Variants in CDH23 observed in about 807,000 individuals in gnomAD.
CDH23 encodes the protein cadherin-23.
Under a neutral mutation model 317.1 loss-of-function variants are expected in CDH23, and 189 were observed. The ratio of observed to expected loss-of-function variants is 0.60; its 90% CI spans 0.53 to 0.67. The LOEUF (loss-of-function observed/expected upper bound fraction) is 0.67, where lower values mean the gene tolerates loss of function less well. Among genes scored for constraint, CDH23 ranks in the 30% least tolerant of loss-of-function variants. The pLI is 0.00. For missense variants in CDH23, 4,401 were observed against 4,592.4 expected, an observed-to-expected ratio of 0.96 and a Z score of 1.20; for synonymous variants, 1,839 against 1,876.8, an observed-to-expected ratio of 0.98 and a Z score of 0.52.
intron 22 of CDH23, among the ~76,000 whole-genome samples, chr10:71,698,900 T>C (rs10999961): frequency 0.021 from 3,258 of 152,318 alleles, 228 homozygotes; most frequent in East Asian, 0.19. Context: ...CTACACCACT[T>C]ACCAGCTGTG....
At chr10:71,533,415 G>A (rs1251128773) in intron 6 of CDH23, among the ~76,000 whole-genome samples, 2 of 151,992 alleles carry the variant, frequency 1.3e-5, no homozygotes, top group South Asian at 2.1e-4. Flanking sequence ...TTGGCTTCTC[G>A]GATATGGAAG....
In CDH23 at chr10:71,403,326, C is replaced by CCTTCCTTCCTTCCTTTCCTT. The variant is rs1315167195; in HGVS notation, c.-6+6011_-6+6012insCCTTCCTTCCTTTCCTTCTT. ...TTCTCTTTCTCTTTCTTCCTTCCTT[C>CCTTCCTTCCTTCCTTTCCTT]CTTTCTTTCTTTCTTTCTTTCTTTC... On this transcript the variant is annotated intron_variant, in intron 1 of 69. Coordinates refer to ENST00000224721, the MANE Select transcript of CDH23 (RefSeq NM_022124.6). Among the ~76,000 whole-genome samples the CCTTCCTTCCTTCCTTTCCTT allele has an allele frequency of 3.3e-5, 2 of 60,746 alleles. 1 individual carries two copies. The highest frequency in any genetic ancestry group is 1.8e-4 in the African/African-American group (2 of 11,042). The allele number at this position is 60,746 out of a possible 152,430, so 39.9% of individuals were successfully genotyped here.
chr10:71,798,724 C>T, intron 50 of CDH23, 146 bp downstream of exon 50: 1 of 701,972 alleles, frequency 1.4e-6, no homozygotes, highest in Admixed American at 2.9e-5. Flanking sequence ...ATTCCAGATG[C>T]CCAAACCAGG....
chr10:71,438,347 C>CAAAAAAAAAAAAAAAAAGAAAAAAAA (rs1849714120), intron 1 of CDH23, among the ~76,000 whole-genome samples: 3 of 98,360 alleles, frequency 3.1e-5, no homozygotes, highest in Non-Finnish European at 4.4e-5. Flanking sequence ...CTGTCTCAAA[C>CAAAAAAAAAAAAAAAAAGAAAAAAAA]AAAAAAAAAA....
Position 71,793,593 on chromosome 10 carries a change from G to A in CDH23, c.6665G>A (p.Arg2222His), listed in dbSNP as rs534969331. The change falls in exon 48 of 70, where the codon CGC becomes CAC. Residue 2222 changes from arginine (R) to histidine (H), a missense_variant. Physicochemically the swap from Arg to His is conservative, Grantham distance 29. Coordinates refer to ENST00000224721, the MANE Select transcript of CDH23 (RefSeq NM_022124.6). The part of the protein sequence containing the change: ...VGIVAKDDTD[R>H]LVPNQEDAFA... ...ATTGTGGCCAAGGACGACACTGATC[G>A]CCTGGTGCCCAACCAGGAGGACGCC... 1.2e-5 allele frequency: 19 copies of A among 1,608,090 alleles called. No individual in the cohort carries two copies. Among genetic ancestry groups the A allele is most frequent in the African/African-American group, 5.3e-5 (4 of 74,926 alleles).
At chr10:71,674,484 C>A (rs1864274516) in intron 14 of CDH23, among the ~76,000 whole-genome samples, 1 of 152,242 alleles carries the variant, frequency 6.6e-6, no homozygotes, top group Admixed American at 6.5e-5. Flanking sequence ...TGGCAGGCAG[C>A]AGTTTGCCCA....
rs532934829 is a variant in CDH23 at position 71,701,876 on chromosome 10, G to A, written c.2398-146G>A. The stretch of plus-strand genomic sequence containing the variant: ...CCCAGCCCTCTCGGACCCCCCTACC[G>A]GGCCCAGCGGGGATGCCCACTTCCT... On this transcript the variant is annotated intron_variant, in intron 22 of 69. Coordinates refer to ENST00000224721, the MANE Select transcript of CDH23 (RefSeq NM_022124.6). 3.0e-4 allele frequency: 228 copies of A among 762,710 alleles called. 2 individuals are homozygous for A. In the East Asian group the frequency reaches 5.3e-3, roughly 18 times the overall value. 47.2% of individuals were successfully genotyped at this position (762,710 alleles called of 1,614,324 possible).
At chr10:71,795,427 CTCCACG>C (rs1841373175) in intron 48 of CDH23, 1 of 152,202 alleles carries the variant, frequency 6.6e-6, no homozygotes, top group Non-Finnish European at 1.5e-5. Context: ...TGGAGAGCTG[CTCCACG>C]TCCCTACTCA....
At chr10:71,655,311 AC>A (rs1413551701) in intron 14 of CDH23, among the ~76,000 whole-genome samples, 11 of 151,784 alleles carry the variant, frequency 7.2e-5, no homozygotes, top group African/African-American at 2.4e-4. Context: ...CATACCCCTC[AC>A]ACCCTTCTCT....
intron 38 of CDH23, chr10:71,761,585 A>T: frequency 6.4e-7 from 1 of 1,561,748 alleles, no homozygotes. Flanking sequence ...TGTCACGTGC[A>T]GGATGCCCTC....
intron 6 of CDH23, among the ~76,000 whole-genome samples, chr10:71,517,788 T>C (rs1006096543): frequency 2.0e-5 from 3 of 152,206 alleles, no homozygotes; most frequent in Admixed American, 6.5e-5. Flanking sequence ...GGCTCTGGAC[T>C]CCTGCAGGCC....
chr10:71,469,091 T>G (rs1851388596), intron 3 of CDH23, among the ~76,000 whole-genome samples: 1 of 152,236 alleles, frequency 6.6e-6, no homozygotes, highest in East Asian at 1.9e-4. Context: ...TTTCGTTCCT[T>G]TTTCAGCCAA....
rs1867978 is a variant in CDH23 at position 71,815,627 on chromosome 10, A to G, written c.*349A>G. ...GGCCAAACAGGCCCTCCTCCCTCCCAGCTCCACCCCGCAAGCACCATCCCC... is the reference window on the plus strand; with the variant it reads ...GGCCAAACAGGCCCTCCTCCCTCCCGGCTCCACCCCGCAAGCACCATCCCC... On this transcript the variant is annotated 3_prime_UTR_variant, in exon 70 of 70. Coordinates refer to ENST00000224721, the MANE Select transcript of CDH23 (RefSeq NM_022124.6). The G allele has an allele frequency of 0.77, 152,311 of 199,082 alleles. 58,658 individuals carry two copies. Among genetic ancestry groups the G allele is most frequent in the African/African-American group, 0.85 (36,664 of 43,228 alleles). 12.3% of individuals were successfully genotyped at this position (199,082 alleles called of 1,614,324 possible). A position where few individuals can be genotyped will look rare whatever the true frequency, so the allele number is the denominator to read the frequency against.
rs1199894992 is a variant in CDH23 at position 71,730,571 on chromosome 10, G to C, written c.3682G>C (p.Val1228Leu). Residue 1228 changes from valine (V) to leucine (L), a missense_variant, in exon 31 of 70, where the codon GTC becomes CTC. Around this residue, in one of 3 missense-constraint regions of CDH23, gnomAD observed 3,068 missense variants for 3,203.3 expected, o/e 0.96. Coordinates refer to ENST00000224721, the MANE Select transcript of CDH23 (RefSeq NM_022124.6). ...LRETAGIGTS[V>L]IVVQATDRDS... is the part of the protein sequence containing the mutation. ...AGAGACCGCAGGCATTGGAACGTCA[G>C]TCATCGTGGTCCAAGCCACAGACCG... 1 of 1,613,802 alleles carries C rather than the reference G, an allele frequency of 6.2e-7. No individual in the cohort carries two copies. The highest frequency in any genetic ancestry group is 8.5e-7 in the Non-Finnish European group (1 of 1,179,898).
At chr10:71,433,393 T>C (rs1166404794) in intron 1 of CDH23, among the ~76,000 whole-genome samples, 1 of 152,132 alleles carries the variant, frequency 6.6e-6, no homozygotes, top group Non-Finnish European at 1.5e-5. Context: ...GGCCACAGGG[T>C]ATATGCATTT....
At chr10:71,446,542 C>T in intron 3 of CDH23, 147 bp downstream of exon 3, 1 of 747,018 alleles carries the variant, frequency 1.3e-6, no homozygotes, top group Non-Finnish European at 2.2e-6. Context: ...GCTAGGATGC[C>T]TCCAGGGACA....
intron 38 of CDH23, among the ~76,000 whole-genome samples, chr10:71,776,361 T>C (rs1374377118): frequency 2.0e-5 from 3 of 152,328 alleles, no homozygotes; most frequent in South Asian, 2.1e-4. Context: ...AAAAACCATA[T>C]GCAAATTGCC....
At chr10:71,795,501 A>G (rs1841375218) in intron 48 of CDH23, 1 of 152,200 alleles carries the variant, frequency 6.6e-6, no homozygotes, top group Admixed American at 6.6e-5. Flanking sequence ...CCCTTCCTCC[A>G]GCTGACTCTC....
At chr10:71,755,627 G>A (rs979530945) in intron 38 of CDH23, among the ~76,000 whole-genome samples, 1 of 152,128 alleles carries the variant, frequency 6.6e-6, no homozygotes, top group Non-Finnish European at 1.5e-5. Context: ...TGGAAGATAA[G>A]GCGGTTCTCC....
Sources: gnomAD v4.1 joint callset for allele counts (sites outside exome capture counted in the v4.1 genomes callset) on GRCh38, gnomAD v4.1.1 for gene constraint, gnomAD v4.1.1 regional missense constraint, MANE v1.5 for transcripts, NCBI Gene and HGNC (gene_info 2026-07-23, HGNC 2026-07-21) for gene names.